Variants in ZBTB40 observed in about 807,000 individuals in gnomAD.
ZBTB40 encodes the protein zinc finger and BTB domain-containing protein 40.
A neutral mutation model predicts 117.5 loss-of-function variants in ZBTB40; 60 were observed. The observed-to-expected ratio is 0.51, with a 90% CI of 0.41 to 0.63. ZBTB40 has a LOEUF of 0.63. Ranked by LOEUF, ZBTB40 falls within the 30% of genes least tolerant of loss-of-function variation. ZBTB40 has a pLI of 0.00. For missense variants in ZBTB40, 1,287 were observed against 1,498.5 expected (o/e 0.86, Z 2.33); for synonymous variants, 525 against 577.1 (o/e 0.91, Z 1.29).
chr1:22,508,493 G>T (rs1413414965), intron 7 of ZBTB40, 37 bp from the exon 8 acceptor site: 4 of 1,611,756 alleles, frequency 2.5e-6, no homozygotes, highest in Non-Finnish European at 3.4e-6. Context: ...AGTGGCTGGA[G>T]AGTCTCTTAC....
At position 22,473,084 on chromosome 1, in the gene ZBTB40, CAT is replaced by C. The variant is rs776346068; in HGVS notation, c.-69-16793_-69-16792del. Among the ~76,000 whole-genome samples, 8 of 152,278 alleles carry C rather than the reference CAT, an allele frequency of 5.3e-5. No homozygotes were observed. The East Asian group carries it at 1.5e-3, about 29-fold the overall frequency. ...TCTAGAGGTGAAGTGTTGCTTAAAA[CAT>C]ATTTGATAATAATTAGATGTGATTT... On this transcript the variant is annotated intron_variant, in intron 1 of 17. Transcript: ENST00000375647.
At chr1:22,488,924 C>T (rs1277933758) in intron 1 of ZBTB40, among the ~76,000 whole-genome samples, 6 of 151,896 alleles carry the variant, frequency 4.0e-5, no homozygotes, top group Admixed American at 3.9e-4. Flanking sequence ...AGGAAATTAG[C>T]GGTTGGATTT....
At position 22,502,279 on chromosome 1, in the gene ZBTB40, TCTAA is replaced by T; in HGVS notation, c.1025-17_1025-14del. On this transcript the variant is annotated splice_polypyrimidine_tract_variant and intron_variant, in intron 4 of 17. Transcript: ENST00000375647. Reference sequence around the variant, plus strand: ...AATTGACTAGCTTCTCTTGTGTGTCTCTAACTCTTTCTCCCCCAGGGAGCACAGA... The same window carrying T: ...AATTGACTAGCTTCTCTTGTGTGTCTCTCTTTCTCCCCCAGGGAGCACAGA... 1 of 1,611,040 alleles carries T rather than the reference TCTAA, an allele frequency of 6.2e-7. No homozygotes were observed. Among genetic ancestry groups the T allele is most frequent in the African/African-American group, 1.3e-5 (1 of 74,972 alleles).
chr1:22,491,384 T>G lies in ZBTB40; in HGVS notation c.698-16T>G, dbSNP rs373105579. ...GTAATGAATTTCTGATTTGTTTTAT[T>G]TTGTTCTACATTTAGGATGTGAAAG... On this transcript the variant is annotated splice_polypyrimidine_tract_variant and intron_variant, in intron 2 of 17. Transcript: ENST00000375647. The G allele has an allele frequency of 6.8e-6, 11 of 1,613,158 alleles. No homozygotes were observed. Among genetic ancestry groups the G allele is most frequent in the Non-Finnish European group, 8.5e-6 (10 of 1,179,674 alleles).
intron 11 of ZBTB40, 143 bp from the exon 12 acceptor site, chr1:22,512,780 AC>A: frequency 1.2e-6 from 1 of 866,660 alleles, no homozygotes; most frequent in Non-Finnish European, 1.9e-6. Context: ...TGCAGTGGGT[AC>A]CAGCGTGGCC....
intron 1 of ZBTB40, among the ~76,000 whole-genome samples, chr1:22,483,832 A>G (rs1459272826): frequency 6.6e-6 from 1 of 152,222 alleles, no homozygotes; most frequent in Non-Finnish European, 1.5e-5. Flanking sequence ...GCCATAGCCA[A>G]AGTCAACTAA....
At chr1:22,501,105 G>T (rs1638923197) in intron 3 of ZBTB40, among the ~76,000 whole-genome samples, 1 of 152,160 alleles carries the variant, frequency 6.6e-6, no homozygotes, top group Non-Finnish European at 1.5e-5. Flanking sequence ...ATTTGCTGCG[G>T]ATACAGAGCC....
At chr1:22,495,805 C>G (rs1203906243) in intron 3 of ZBTB40, among the ~76,000 whole-genome samples, 1 of 152,194 alleles carries the variant, frequency 6.6e-6, no homozygotes, top group Admixed American at 6.5e-5. Flanking sequence ...CATGAGCCAC[C>G]GCACCCAGCC....
At chr1:22,442,311 A>C (rs1176340987) in intron 1 of ZBTB40, among the ~76,000 whole-genome samples, 1 of 152,174 alleles carries the variant, frequency 6.6e-6, no homozygotes, top group Non-Finnish European at 1.5e-5. Context: ...GACAAGAGAG[A>C]GAGAGACCCA....
At chr1:22,442,254 C>T (rs1569743170) in intron 1 of ZBTB40, among the ~76,000 whole-genome samples, 1 of 152,138 alleles carries the variant, frequency 6.6e-6, no homozygotes, top group African/African-American at 2.4e-5. Flanking sequence ...GGTGTGTAGA[C>T]TGTTCTGTAT....
chr1:22,483,581 ATCT>A (rs1638385393), intron 1 of ZBTB40, among the ~76,000 whole-genome samples: 1 of 152,192 alleles, frequency 6.6e-6, no homozygotes. Flanking sequence ...TCATCTGCAT[ATCT>A]TCTTTGATGA....
intron 11 of ZBTB40, 143 bp downstream of exon 11, chr1:22,512,277 AT>A: frequency 1.0e-6 from 1 of 964,358 alleles, no homozygotes; most frequent in Non-Finnish European, 1.6e-6. Context: ...GCAGGGTAAT[AT>A]TTTAAGAGCA....
At chr1:22,508,458 A>G (rs1436954372) in intron 7 of ZBTB40, 72 bp from the exon 8 acceptor site, 1 of 1,558,936 alleles carries the variant, frequency 6.4e-7, no homozygotes, top group Non-Finnish European at 8.8e-7. Flanking sequence ...CCCAATATCT[A>G]GACTTGCAGC....
intron 6 of ZBTB40, among the ~76,000 whole-genome samples, chr1:22,507,140 A>G (rs1056340027): frequency 1.3e-5 from 2 of 152,110 alleles, no homozygotes; most frequent in African/African-American, 4.8e-5. Flanking sequence ...TGTCAAGACT[A>G]CCTGGGGCCG....
At chr1:22,440,809 G>T (rs1384408856) in intron 1 of ZBTB40, among the ~76,000 whole-genome samples, 5 of 152,090 alleles carry the variant, frequency 3.3e-5, no homozygotes, top group Admixed American at 3.3e-4. Context: ...AACCATCCTT[G>T]CATTCCAGGA....
chr1:22,524,372 C>G lies in ZBTB40; in HGVS notation c.3453C>G (p.Asp1151Glu), dbSNP rs777329083. ...GELFTSQAQL[D>E]SHLESEHPKV... is the part of the protein sequence containing the mutation. The stretch of plus-strand genomic sequence containing the variant: ...TCTTCACCTCCCAGGCCCAGCTTGA[C>G]AGTCACCTGGAATCTGAGCACCCAA... The change falls in exon 17 of 18, where the codon GAC becomes GAG. Residue 1151 changes from aspartate to glutamate, a missense_variant. This residue lies in a region of ZBTB40 where 417 missense variants were observed against 564.1 expected (regional missense o/e 0.74). Coordinates refer to ENST00000375647, the MANE Select transcript of ZBTB40 (RefSeq NM_014870.4). 8.7e-6 allele frequency: 14 copies of G among 1,614,224 alleles called. No individual in the cohort carries two copies. Among genetic ancestry groups the G allele is most frequent in the Non-Finnish European group, 1.2e-5 (14 of 1,180,042 alleles).
intron 5 of ZBTB40, among the ~76,000 whole-genome samples, chr1:22,503,527 T>A (rs759543419): frequency 6.6e-6 from 1 of 151,762 alleles, no homozygotes; most frequent in South Asian, 2.1e-4. Flanking sequence ...GCCACTGATA[T>A]AATGGCTAAG....
upstream of ZBTB40, among the ~76,000 whole-genome samples, chr1:22,448,599 T>C (rs1373286952): frequency 1.3e-5 from 2 of 152,210 alleles, no homozygotes; most frequent in Admixed American, 6.5e-5. Flanking sequence ...ATTTAGTAGC[T>C]GTGTTTTTTG....
rs754360831 is a variant in ZBTB40 at position 22,524,317 on chromosome 1, C to T, written c.3398C>T (p.Thr1133Ile). 7 of 1,614,188 alleles carry T rather than the reference C, an allele frequency of 4.3e-6. No homozygotes were observed. Among genetic ancestry groups the T allele is most frequent in the Non-Finnish European group, 4.2e-6 (5 of 1,180,044 alleles). ...ACGGAGCACTTCAAGCAGTCAGAGA[C>T]CACCTTCCCCTGTGAGCTCTGTGGG... ...VTTEHFKQSE[T>I]TFPCELCGEL... is the part of the protein sequence containing the mutation. The change falls in exon 17 of 18, where the codon ACC becomes ATC. Residue 1133 changes from threonine (T) to isoleucine (I), a missense_variant. Physicochemically the swap from Thr to Ile is moderately conservative, Grantham distance 89 (BLOSUM62 -1). Around this residue, in one of 2 missense-constraint regions of ZBTB40, gnomAD observed 417 missense variants for 564.1 expected, o/e 0.74. Transcript: ENST00000375647.
Sources: gnomAD v4.1 joint callset for allele counts (sites outside exome capture counted in the v4.1 genomes callset) on GRCh38, gnomAD v4.1.1 for gene constraint, gnomAD v4.1.1 regional missense constraint, MANE v1.5 for transcripts, NCBI Gene and HGNC (gene_info 2026-07-23, HGNC 2026-07-21) for gene names.